ALK: variants seen among roughly 807,000 people sequenced by gnomAD.
The protein encoded by ALK is ALK tyrosine kinase receptor.
Under a neutral mutation model 163.1 loss-of-function variants are expected in ALK, and 74 were observed. That is an observed-to-expected ratio of 0.45 (90% confidence interval 0.38 to 0.55). The LOEUF (loss-of-function observed/expected upper bound fraction) is 0.55. Ranked by LOEUF, ALK falls within the 20% of genes least tolerant of loss-of-function variation. The pLI is 0.00. For missense variants in ALK, 2,063 were observed against 2,105.3 expected (o/e 0.98, Z 0.39); for synonymous variants, 960 against 843.2 (o/e 1.14, Z -2.40).
At chr2:29,702,126 A>G (rs1331139637) in intron 2 of ALK, among the ~76,000 whole-genome samples, 1 of 152,172 alleles carries the variant, frequency 6.6e-6, no homozygotes, top group Admixed American at 6.5e-5. Context: ...GTGCAACAAA[A>G]TACTAAAGAA....
At chr2:29,863,003 T>C (rs982751425) in intron 1 of ALK, among the ~76,000 whole-genome samples, 2 of 152,020 alleles carry the variant, frequency 1.3e-5, no homozygotes, top group Non-Finnish European at 2.9e-5. Context: ...ACCAAGAACA[T>C]ACAATGAGGA....
At chr2:29,867,354 T>C (rs1666461538) in intron 1 of ALK, among the ~76,000 whole-genome samples, 1 of 152,202 alleles carries the variant, frequency 6.6e-6, no homozygotes, top group Non-Finnish European at 1.5e-5. Context: ...AGAAGAACCA[T>C]AACCAAAATA....
intron 4 of ALK, among the ~76,000 whole-genome samples, chr2:29,401,230 G>A (rs1226215676): frequency 6.6e-6 from 1 of 152,172 alleles, no homozygotes; most frequent in Non-Finnish European, 1.5e-5. Context: ...CGTGGCCGCT[G>A]TTTGCAGGCT....
In ALK at chr2:29,357,103, C is replaced by T. The variant is rs114586530; in HGVS notation, c.1282+26629G>A. Among the ~76,000 whole-genome samples the T allele has an allele frequency of 1.5e-3, 223 of 152,286 alleles. 1 individual carries two copies. The highest frequency in any genetic ancestry group is 5.0e-3 in the African/African-American group (206 of 41,562). On this transcript the variant is annotated intron_variant, in intron 5 of 28. Coordinates refer to ENST00000389048, the MANE Select transcript of ALK (RefSeq NM_004304.5). The stretch of plus-strand genomic sequence containing the variant: ...TTCTGCTCTTACATATCAGCTATAA[C>T]GAACGCCTCTGAGTTTTAGGTTCTC...
intron 3 of ALK, among the ~76,000 whole-genome samples, chr2:29,668,089 A>C (rs1032172717): frequency 2.0e-5 from 3 of 152,086 alleles, no homozygotes; most frequent in Non-Finnish European, 4.4e-5. Flanking sequence ...TGTTCATAAT[A>C]GTCTCTAATA....
chr2:29,790,066 T>A (rs770498307), intron 1 of ALK, among the ~76,000 whole-genome samples: 3 of 152,198 alleles, frequency 2.0e-5, no homozygotes, highest in Non-Finnish European at 4.4e-5. Context: ...ATGGCCGACC[T>A]ACCACAGAGG....
chr2:29,419,331 G>C (rs1053406494), intron 4 of ALK, among the ~76,000 whole-genome samples: 2 of 151,524 alleles, frequency 1.3e-5, no homozygotes, highest in African/African-American at 4.9e-5. Context: ...TGGGATTACA[G>C]GCATGAGCCA....
At chr2:29,866,426 G>A (rs145859276) in intron 1 of ALK, among the ~76,000 whole-genome samples, 2 of 152,344 alleles carry the variant, frequency 1.3e-5, no homozygotes, top group African/African-American at 4.8e-5. Flanking sequence ...ATGCCCTTCA[G>A]AGCATGGTTC....
In ALK at chr2:29,717,574, T is replaced by G. The variant is rs377100808; in HGVS notation, c.787+4A>C. The G allele has an allele frequency of 6.2e-7, 1 of 1,613,976 alleles. No individual in the cohort carries two copies. Among genetic ancestry groups the G allele is most frequent in the Admixed American group, 1.7e-5 (1 of 60,016 alleles). On this transcript the variant is annotated splice_donor_region_variant and intron_variant, in intron 2 of 28. Coordinates refer to ENST00000389048, the MANE Select transcript of ALK (RefSeq NM_004304.5). ...TCTCAAGTAAATATTAAACATATAC[T>G]TACCATATCGGCTGCGATGAGACAG...
At chr2:29,396,485 C>G (rs536564221) in intron 4 of ALK, among the ~76,000 whole-genome samples, 1 of 152,096 alleles carries the variant, frequency 6.6e-6, no homozygotes, top group African/African-American at 2.4e-5. Context: ...ACCAGCCTGA[C>G]CAACATGGTG....
intron 1 of ALK, among the ~76,000 whole-genome samples, chr2:29,802,815 T>G (rs1664520539): frequency 6.7e-6 from 1 of 149,448 alleles, no homozygotes; most frequent in Non-Finnish European, 1.5e-5. Flanking sequence ...TCAGTTGTGG[T>G]TTATAATAAT....
chr2:29,879,189 A>T (rs1161972231), intron 1 of ALK, among the ~76,000 whole-genome samples: 1 of 152,184 alleles, frequency 6.6e-6, no homozygotes, highest in Non-Finnish European at 1.5e-5. Context: ...CACGATCCTG[A>T]CCCAGAGAAT....
At chr2:29,598,993 A>T (rs989210317) in intron 3 of ALK, among the ~76,000 whole-genome samples, 1 of 152,180 alleles carries the variant, frequency 6.6e-6, no homozygotes, top group Non-Finnish European at 1.5e-5. Context: ...AACCAAAAAA[A>T]AAATTTTTTT....
intron 13 of ALK, among the ~76,000 whole-genome samples, chr2:29,235,155 A>G (rs1353354010): frequency 6.6e-6 from 1 of 152,248 alleles, no homozygotes; most frequent in African/African-American, 2.4e-5. Flanking sequence ...GGTGCTTCAA[A>G]AACAGCCACG....
At chr2:29,306,881 G>A (rs186392023) in intron 8 of ALK, among the ~76,000 whole-genome samples, 50 of 152,284 alleles carry the variant, frequency 3.3e-4, no homozygotes, top group African/African-American at 1.2e-3. Context: ...ACAACACCAG[G>A]AGTACGCCAC....
chr2:29,898,338 AC>A (rs1667325905), intron 1 of ALK, among the ~76,000 whole-genome samples: 1 of 152,240 alleles, frequency 6.6e-6, no homozygotes, highest in Non-Finnish European at 1.5e-5. Context: ...AAGGGAGAGT[AC>A]CCAACTCACA....
At chr2:29,277,164 A>G (rs1665569106) in intron 9 of ALK, among the ~76,000 whole-genome samples, 1 of 152,210 alleles carries the variant, frequency 6.6e-6, no homozygotes. Context: ...TGGGATGTCA[A>G]CAGTGGGAGG....
At position 29,288,962 on chromosome 2, in the gene ALK, ATAAATAAAT is replaced by A. The variant is rs1558654905; in HGVS notation, c.1817+7917_1817+7925del. Among the ~76,000 whole-genome samples the A allele has an allele frequency of 3.6e-3, 432 of 119,946 alleles. 37 individuals are homozygous for A. Among genetic ancestry groups the A allele is most frequent in the African/African-American group, 0.013 (415 of 30,998 alleles). The allele number at this position is 119,946 out of a possible 152,430, so 78.7% of individuals were successfully genotyped here. On this transcript the variant is annotated intron_variant, in intron 9 of 28. Transcript: ENST00000389048. ...GGGAGACTCCTTCTCAAAAAAATAAATAAATAAATAAATAAATAAATAAATAAATAAATA... is the reference window on the plus strand; with the variant it reads ...GGGAGACTCCTTCTCAAAAAAATAAAAAATAAATAAATAAATAAATAAATA...
At position 29,440,318 on chromosome 2, in the gene ALK, A is replaced by ATTTCTTT. The variant is rs780283356; in HGVS notation, c.1155-56460_1155-56459insAAAGAAA. Among the ~76,000 whole-genome samples the ATTTCTTT allele has an allele frequency of 2.0e-4, 17 of 83,148 alleles. 1 individual carries two copies. The highest frequency in any genetic ancestry group is 3.9e-4 in the African/African-American group (11 of 28,254). The allele number at this position is 83,148 out of a possible 152,430, so 54.5% of individuals were successfully genotyped here. A position where few individuals can be genotyped will look rare whatever the true frequency, so the allele number is the denominator to read the frequency against. On this transcript the variant is annotated intron_variant, in intron 4 of 28. Coordinates refer to ENST00000389048, the MANE Select transcript of ALK (RefSeq NM_004304.5). ...GTTACGTAGGTTACGTGATGAATCA[A>ATTTCTTT]TTTTTTTTTTTTTTTTTTGAGACGG...
Sources: gnomAD v4.1 joint callset for allele counts (sites outside exome capture counted in the v4.1 genomes callset) on GRCh38, gnomAD v4.1.1 for gene constraint, MANE v1.5 for transcripts, NCBI Gene and HGNC (gene_info 2026-07-23, HGNC 2026-07-21) for gene names.